MARK4: variants seen among roughly 807,000 people sequenced by gnomAD.
The protein encoded by MARK4 is microtubule affinity regulating kinase 4, also known as MAP/microtubule affinity-regulating kinase 4.
A neutral mutation model predicts 81.5 loss-of-function variants in MARK4; 19 were observed. The ratio of observed to expected loss-of-function variants is 0.23; its 90% confidence interval spans 0.16 to 0.34. The LOEUF (loss-of-function observed/expected upper bound fraction) is 0.34. Ranked by LOEUF, MARK4 falls within the 10% of genes least tolerant of loss-of-function variation. The pLI is 1.00. For synonymous variants in MARK4, 436 were observed against 439.0 expected, an observed-to-expected ratio of 0.99 and a Z score of 0.08; for missense variants, 772 against 1,058.8, an observed-to-expected ratio of 0.73 and a Z score of 3.76.
At position 45,302,633 on chromosome 19, in the gene MARK4, C is replaced by T. The variant is rs764906559; in HGVS notation, c.2182C>T (p.Leu728Phe). ...QLPRPGLRGV[L>F]FRRVAGTALA... is the part of the protein sequence containing the mutation. ...GCCCCGGCCAGGCTTGCGGGGAGTT[C>T]TCTTCCGCCGTGTGGCGGGCACCGC... Residue 728 changes from leucine to phenylalanine, a missense_variant, in exon 17 of 17, where the codon CTC (leucine) becomes TTC (phenylalanine). Coordinates refer to ENST00000262891, the MANE Select transcript of MARK4 (RefSeq NM_001199867.2). This position sits in a 1 kb window ranked among gnomAD's most constrained non-coding sequence, Gnocchi z 4.9. The T allele has an allele frequency of 1.3e-6, 2 of 1,544,856 alleles. No individual in the cohort carries two copies. The highest frequency in any genetic ancestry group is 1.2e-5 in the South Asian group (1 of 86,128).
At chr19:45,269,637 CCT>C (rs1216352373) in intron 7 of MARK4, among the ~76,000 whole-genome samples, 5 of 152,058 alleles carry the variant, frequency 3.3e-5, no homozygotes, top group Non-Finnish European at 7.4e-5. Flanking sequence ...TGGAGGTGTG[CCT>C]CTGTTTGTAG....
chr19:45,298,230 C>T lies in MARK4; in HGVS notation c.1877+276C>T, dbSNP rs777801351. On this transcript the variant is annotated intron_variant, in intron 15 of 16. Transcript: ENST00000262891. ...CCCAGGGATCCAAGATCAGTAAGTC[C>T]CGTCCATGCCCTGTTCTCGCTGGCT... The T allele has an allele frequency of 3.1e-5, 50 of 1,613,844 alleles. 2 individuals carry two copies. The South Asian group carries it at 5.1e-4, about 16-fold the overall frequency.
In MARK4 at chr19:45,280,486, CA is replaced by C. The variant is rs1970657659; in HGVS notation, c.1116+4del. On this transcript the variant is annotated splice_donor_region_variant and intron_variant, in intron 11 of 16. Coordinates refer to ENST00000262891, the MANE Select transcript of MARK4 (RefSeq NM_001199867.2). ...TCCTGCTGGGCAGGAAGACTGAGGTCAGGGGGCGCCAGGGGCCCTTGGGGAC... is the reference window on the plus strand; with the variant it reads ...TCCTGCTGGGCAGGAAGACTGAGGTCGGGGGCGCCAGGGGCCCTTGGGGAC... The C allele has an allele frequency of 6.2e-7, 1 of 1,613,984 alleles. No individual in the cohort carries two copies. The highest frequency in any genetic ancestry group is 8.5e-7 in the Non-Finnish European group (1 of 1,179,998).
Position 45,280,486 on chromosome 19 carries a change from CAG to C in MARK4, c.1116+4_1116+5del. The C allele has an allele frequency of 6.2e-7, 1 of 1,614,104 alleles. No individual in the cohort carries two copies. The highest frequency in any genetic ancestry group is 8.5e-7 in the Non-Finnish European group (1 of 1,179,990). On this transcript the variant is annotated splice_donor_5th_base_variant and intron_variant, in intron 11 of 16. Transcript: ENST00000262891. ...TCCTGCTGGGCAGGAAGACTGAGGTCAGGGGGCGCCAGGGGCCCTTGGGGACG... is the reference window on the plus strand; with the variant it reads ...TCCTGCTGGGCAGGAAGACTGAGGTCGGGGCGCCAGGGGCCCTTGGGGACG...
chr19:45,294,371 T>C lies in MARK4; in HGVS notation c.1517T>C (p.Met506Thr). 1 of 1,614,142 alleles carries C rather than the reference T, an allele frequency of 6.2e-7. No homozygotes were observed. The change falls in exon 14 of 17, where the codon ATG (methionine) becomes ACG (threonine). Residue 506 changes from methionine to threonine, a missense_variant. Met to Thr is a moderately conservative substitution (Grantham distance 81). Transcript: ENST00000262891. Reference sequence around the variant, plus strand: ...CAGAACAACCTCCCTCCTAGCATGATGACCCGCAGAAACACCTACGTTTGC... The same window carrying C: ...CAGAACAACCTCCCTCCTAGCATGACGACCCGCAGAAACACCTACGTTTGC... Reference protein sequence around the residue: ...STPNNLPPSMMTRRNTYVCTE... With the variant: ...STPNNLPPSMTTRRNTYVCTE...
rs1599774383 is a variant in MARK4 at position 45,253,075 on chromosome 19, C to A, written c.51+1436C>A. Among the ~76,000 whole-genome samples the A allele has an allele frequency of 2.6e-5, 4 of 152,162 alleles. No individual in the cohort carries two copies. In the East Asian group the frequency reaches 5.8e-4, roughly 22 times the overall value. ...TCACTGATCACTTCCAAAGACCTGC[C>A]CACCACCCAATCCTAGACTTCTCCC... On this transcript the variant is annotated intron_variant, in intron 1 of 16. Coordinates refer to ENST00000262891, the MANE Select transcript of MARK4 (RefSeq NM_001199867.2).
intron 8 of MARK4, among the ~76,000 whole-genome samples, chr19:45,275,741 A>G (rs780626605): frequency 1.3e-5 from 2 of 152,162 alleles, no homozygotes; most frequent in Non-Finnish European, 2.9e-5. Context: ...CCAGGCCTCA[A>G]CCTCCTCGTC....
intron 1 of MARK4, among the ~76,000 whole-genome samples, chr19:45,252,843 TC>T (rs1970261517): frequency 6.6e-6 from 1 of 151,996 alleles, no homozygotes; most frequent in Non-Finnish European, 1.5e-5. Context: ...ACCCCATACT[TC>T]CAGGCCCCCC....
At chr19:45,272,214 C>T (rs1970537728) in intron 8 of MARK4, among the ~76,000 whole-genome samples, 1 of 152,170 alleles carries the variant, frequency 6.6e-6, no homozygotes, top group Admixed American at 6.5e-5. Flanking sequence ...CGCCTGTAGT[C>T]CCAGCTACTT....
Position 45,259,018 on chromosome 19 carries a change from G to C in MARK4, c.81G>C (p.Ser27=), listed in dbSNP as rs750078183. 1 of 1,613,206 alleles carries C rather than the reference G, an allele frequency of 6.2e-7. No homozygotes were observed. The change falls in exon 2 of 17, where the codon TCG becomes TCC. Residue 27 remains serine (S), a synonymous_variant. Transcript: ENST00000262891. The part of the protein sequence containing the change: ...THGTLGSGRS[S]DKGPSWSSRS... The stretch of plus-strand genomic sequence containing the variant: ...GCACCTTGGGCAGTGGCCGCTCCTC[G>C]GACAAAGGCCCGTCCTGGTCCAGCC...
At chr19:45,252,268 G>A (rs1187760078) in intron 1 of MARK4, among the ~76,000 whole-genome samples, 1 of 152,078 alleles carries the variant, frequency 6.6e-6, no homozygotes, top group Non-Finnish European at 1.5e-5. Flanking sequence ...TCCCAGGCCT[G>A]GTCCCCATCT....
rs754891876 is a variant in MARK4, at chr19:45,287,618, A to G, written c.1448A>G (p.Asn483Ser). 1.9e-6 allele frequency: 3 copies of G among 1,596,358 alleles called. No individual in the cohort carries two copies. Residue 483 changes from asparagine (N) to serine (S), a missense_variant, in exon 13 of 17, where the codon AAC (asparagine) becomes AGC (serine). This residue lies in a region of MARK4 where 548 missense variants were observed against 624.3 expected (regional missense o/e 0.88). Transcript: ENST00000262891. ...ATGGTCAGCAGCGCCCACAACCCCA[A>G]CAAGGCAGAGATCCCAGAGCGGCGG... ...SPMVSSAHNP[N>S]KAEIPERRKD...
chr19:45,269,304 A>G (rs1254022249), intron 7 of MARK4, among the ~76,000 whole-genome samples: 1 of 152,142 alleles, frequency 6.6e-6, no homozygotes, highest in African/African-American at 2.4e-5. Flanking sequence ...GCTTGAACCC[A>G]GGAGGAAGAG....
chr19:45,255,126 C>T (rs535256485), intron 1 of MARK4, among the ~76,000 whole-genome samples: 1 of 152,106 alleles, frequency 6.6e-6, no homozygotes, highest in Non-Finnish European at 1.5e-5. Context: ...TTGCTTGAAC[C>T]CAGGCAGTTG....
At chr19:45,278,154 C>A in intron 9 of MARK4, 112 bp downstream of exon 9, 1 of 1,453,832 alleles carries the variant, frequency 6.9e-7, no homozygotes, top group Non-Finnish European at 9.3e-7. Context: ...CTCCTGTGCC[C>A]ACCGAAGATC....
chr19:45,298,609 T>TA (rs1970924265), intron 15 of MARK4, among the ~76,000 whole-genome samples: 1 of 152,210 alleles, frequency 6.6e-6, no homozygotes, highest in Non-Finnish European at 1.5e-5. Flanking sequence ...ATTGAGCCCC[T>TA]ACTGTGTGCC....
intron 7 of MARK4, 101 bp downstream of exon 7, chr19:45,266,382 C>G: frequency 8.8e-7 from 1 of 1,132,204 alleles, no homozygotes; most frequent in Non-Finnish European, 1.3e-6. Context: ...CAGCAAATTC[C>G]TCCAGCCCTT....
chr19:45,268,601 A>G (rs1240347639), intron 7 of MARK4, among the ~76,000 whole-genome samples: 1 of 151,542 alleles, frequency 6.6e-6, no homozygotes, highest in East Asian at 1.9e-4. Context: ...AAAAAAAGAA[A>G]AAAAATTAGC....
intron 6 of MARK4, 55 bp downstream of exon 6, chr19:45,264,965 G>A (rs1970432144): frequency 3.8e-6 from 6 of 1,575,478 alleles, no homozygotes; most frequent in South Asian, 1.1e-5. Context: ...CTGGGAGGGC[G>A]TCTGAGAGCT....
Sources: gnomAD v4.1 joint callset for allele counts (sites outside exome capture counted in the v4.1 genomes callset) on GRCh38, gnomAD v4.1.1 for gene constraint, gnomAD v4.1.1 regional missense constraint, Gnocchi (gnomAD v3.1) non-coding constraint, MANE v1.5 for transcripts, NCBI Gene and HGNC (gene_info 2026-07-23, HGNC 2026-07-21) for gene names.